Variants in TEX11 observed in about 807,000 individuals in gnomAD.
TEX11 encodes the protein testis-expressed protein 11.
A neutral mutation model predicts 84.4 loss-of-function variants in TEX11; 7 were observed. That is an observed-to-expected ratio of 0.08 (90% confidence interval 0.05 to 0.16). TEX11 has a LOEUF of 0.16. Ranked by LOEUF, TEX11 falls within the 10% of genes least tolerant of loss-of-function variation. The pLI is 1.00. For missense variants in TEX11, 551 were observed against 660.5 expected (o/e 0.83, Z 1.82); for synonymous variants, 264 against 222.8 (o/e 1.18, Z -1.64).
At position 70,556,015 on chromosome X, in the gene TEX11, T is replaced by C. The variant is rs776277966; in HGVS notation, c.2141-1215A>G. On this transcript the variant is annotated intron_variant, in intron 25 of 29. Coordinates refer to ENST00000374333, the MANE Select transcript of TEX11 (RefSeq NM_031276.3). The stretch of plus-strand genomic sequence containing the variant: ...TATGCCTGATATTGTTAATTTGTGC[T>C]TGATCTGCCTGGCTAGAGGTTTATC... 2.7e-5 allele frequency among the ~76,000 whole-genome samples: 3 copies of C among 111,901 alleles called. No homozygotes were observed. The Admixed American group carries it at 2.9e-4, about 11-fold the overall frequency.
chrX:70,731,738 G>T (rs1030782834), intron 11 of TEX11, among the ~76,000 whole-genome samples: 1 of 92,752 alleles, frequency 1.1e-5, no homozygotes. Flanking sequence ...AGGAGGAGCT[G>T]GTACCATTCC....
intron 13 of TEX11, among the ~76,000 whole-genome samples, chrX:70,700,628 C>T (rs2090318445): frequency 9.0e-6 from 1 of 111,174 alleles, no homozygotes; most frequent in Non-Finnish European, 1.9e-5. Context: ...CTACAATGGC[C>T]TCTAAGTGTT....
At chrX:70,828,786 A>G (rs2147828739) in intron 8 of TEX11, among the ~76,000 whole-genome samples, 1 of 111,495 alleles carries the variant, frequency 9.0e-6, no homozygotes, top group African/African-American at 3.3e-5. Context: ...GAACACCTCA[A>G]GGCATTTAAT....
At chrX:70,746,641 T>C (rs2090769445) in intron 9 of TEX11, among the ~76,000 whole-genome samples, 1 of 112,239 alleles carries the variant, frequency 8.9e-6, no homozygotes, top group African/African-American at 3.2e-5. Context: ...AGGGGAATGA[T>C]GTATTTAAAA....
chrX:70,522,181 C>T, the TEX11 span, among the ~76,000 whole-genome samples: 1 of 111,884 alleles, frequency 8.9e-6, no homozygotes, highest in African/African-American at 3.2e-5. Context: ...TAAATCATGG[C>T]TATGCCATTT....
chrX:70,679,768 C>T (rs918031817), intron 14 of TEX11, among the ~76,000 whole-genome samples: 1 of 104,680 alleles, frequency 9.6e-6, no homozygotes, highest in African/African-American at 3.5e-5. Flanking sequence ...GCCGCCCGTC[C>T]GGGAGGGAGG....
At chrX:70,752,567 C>T (rs1027404911) in intron 9 of TEX11, among the ~76,000 whole-genome samples, 1 of 95,147 alleles carries the variant, frequency 1.1e-5, no homozygotes, top group Admixed American at 1.2e-4. Context: ...GACAAGAAAA[C>T]GTAATCCAAA....
intron 8 of TEX11, among the ~76,000 whole-genome samples, chrX:70,826,597 T>C (rs2091348004): frequency 8.9e-6 from 1 of 111,923 alleles, no homozygotes. Context: ...TCTGTGCACA[T>C]TGCAGAGGAA....
chrX:70,654,780 A>T (rs976471927), intron 16 of TEX11, among the ~76,000 whole-genome samples: 1 of 109,201 alleles, frequency 9.2e-6, no homozygotes, highest in Non-Finnish European at 1.9e-5. Flanking sequence ...TTAAACTCAG[A>T]TATACCAATA....
At chrX:70,905,879 C>T (rs761981118) in intron 2 of TEX11, among the ~76,000 whole-genome samples, 9 of 103,639 alleles carry the variant, frequency 8.7e-5, no homozygotes, top group African/African-American at 3.1e-4. Flanking sequence ...TGGTGAAACC[C>T]CGTTTCTACT....
chrX:70,609,595 C>T (rs189739844), intron 21 of TEX11, among the ~76,000 whole-genome samples: 2 of 112,455 alleles, frequency 1.8e-5, no homozygotes, highest in East Asian at 5.6e-4. Flanking sequence ...TGTGCTATCA[C>T]TATCAGAAGG....
chrX:70,655,382 G>T (rs987545607), intron 16 of TEX11, among the ~76,000 whole-genome samples: 1 of 111,373 alleles, frequency 9.0e-6, no homozygotes, highest in Non-Finnish European at 1.9e-5. Context: ...TTATGACAGG[G>T]TTATGGTTTC....
intron 13 of TEX11, among the ~76,000 whole-genome samples, chrX:70,709,852 T>C (rs1337950005): frequency 9.0e-6 from 1 of 111,231 alleles, no homozygotes; most frequent in Non-Finnish European, 1.9e-5. Flanking sequence ...TCCCTGTATC[T>C]CTTATGTGAC....
intron 3 of TEX11, among the ~76,000 whole-genome samples, chrX:70,877,347 G>A (rs2091660940): frequency 9.1e-6 from 1 of 110,007 alleles, no homozygotes; most frequent in Non-Finnish European, 1.9e-5. Flanking sequence ...ACAGTCACTA[G>A]GATGACTACT....
At chrX:70,838,755 T>C (rs1384814183) in intron 7 of TEX11, among the ~76,000 whole-genome samples, 5 of 112,084 alleles carry the variant, frequency 4.5e-5, no homozygotes, top group Non-Finnish European at 9.4e-5. Flanking sequence ...CAGTGACAGA[T>C]GGCACCTGGA....
intron 8 of TEX11, among the ~76,000 whole-genome samples, chrX:70,828,045 A>C (rs1001518036): frequency 3.6e-5 from 4 of 112,108 alleles, no homozygotes; most frequent in Admixed American, 2.8e-4. Context: ...ATGGGTCTAC[A>C]AGAAACACAG....
At chrX:70,694,108 G>A (rs1265171844) in intron 13 of TEX11, among the ~76,000 whole-genome samples, 7 of 110,710 alleles carry the variant, frequency 6.3e-5, no homozygotes, top group African/African-American at 2.0e-4. Context: ...GCAGTGGTGC[G>A]ATCTTGGCTC....
chrX:70,638,796 C>CAAAAA (rs746998217), intron 17 of TEX11, among the ~76,000 whole-genome samples: 87 of 53,956 alleles, frequency 1.6e-3, no homozygotes, highest in African/African-American at 7.1e-3. Context: ...GCAACTGTCT[C>CAAAAA]AAAAAAAAAA....
intron 25 of TEX11, among the ~76,000 whole-genome samples, chrX:70,558,314 A>G (rs754009310): frequency 4.5e-5 from 5 of 111,700 alleles, no homozygotes; most frequent in East Asian, 5.6e-4. Context: ...AGACCATCCA[A>G]TGAGGGAAAG....
Sources: allele counts gnomAD v4.1 joint callset (sites outside exome capture counted in the v4.1 genomes callset), GRCh38; gene constraint gnomAD v4.1.1; transcripts MANE v1.5; gene names NCBI Gene and HGNC (gene_info 2026-07-23, HGNC 2026-07-21).